The following CNTN4 variants were observed in gnomAD, a reference collection of about 807,000 sequenced individuals.
CNTN4 encodes the protein contactin 4, also known as contactin-4.
In CNTN4, 77 loss-of-function variants were observed where a neutral mutation model predicts 122.5. That is an observed-to-expected ratio of 0.63 (90% CI 0.52 to 0.76). The LOEUF is 0.76. CNTN4 is among the 30% of genes least tolerant of loss of function. The pLI, the probability that CNTN4 is intolerant of heterozygous loss-of-function variation, is 0.00. For missense variants in CNTN4, 1,256 were observed against 1,259.1 expected (o/e 1.00, Z 0.04); for synonymous variants, 512 against 447.0 (o/e 1.15, Z -1.83).
At chr3:2,195,866 A>G (rs1176878890) in intron 2 of CNTN4, among the ~76,000 whole-genome samples, 1 of 152,172 alleles carries the variant, frequency 6.6e-6, no homozygotes, top group African/African-American at 2.4e-5. Context: ...ATTTCTGGAG[A>G]TGGAATTACA....
In CNTN4 at chr3:3,034,645, C is replaced by T. The variant is rs1311138133; in HGVS notation, c.1797C>T (p.Pro599=). The T allele has an allele frequency of 6.2e-7, 1 of 1,614,024 alleles. No individual in the cohort carries two copies. The highest frequency in any genetic ancestry group is 8.5e-7 in the Non-Finnish European group (1 of 1,180,012). ...ADLIVRGPPG[P]PEAVTIDEIT... is the part of the protein sequence containing the mutation. ...GCTCTTTCCCAGGTCCTCCAGGTCC[C>T]CCAGAGGCTGTGACAATAGACGAAA... Residue 599 remains proline, a synonymous_variant, in exon 17 of 25, where the codon CCC becomes CCT. Transcript: ENST00000418658.
chr3:2,573,170 C>A (rs371395400), intron 4 of CNTN4, among the ~76,000 whole-genome samples: 2 of 152,190 alleles, frequency 1.3e-5, no homozygotes, highest in African/African-American at 2.4e-5. Context: ...GAGGATTTGG[C>A]AAGTTTATGG....
At chr3:2,224,370 G>A (rs1300765177) in intron 2 of CNTN4, among the ~76,000 whole-genome samples, 1 of 152,100 alleles carries the variant, frequency 6.6e-6, no homozygotes, top group Admixed American at 6.6e-5. Context: ...ATCCCTGGAC[G>A]GAAATAGTCC....
At chr3:3,006,248 G>C (rs868161530) in intron 14 of CNTN4, among the ~76,000 whole-genome samples, 2 of 152,096 alleles carry the variant, frequency 1.3e-5, no homozygotes, top group African/African-American at 4.8e-5. Context: ...TGAACTTCAT[G>C]TCACCCTCAT....
rs559153494 is a variant in CNTN4, at chr3:2,199,475, G to A, written c.-145+98836G>A. Among the ~76,000 whole-genome samples the A allele has an allele frequency of 7.9e-5, 12 of 151,996 alleles. No individual in the cohort carries two copies. In the South Asian group the frequency reaches 2.3e-3, roughly 29 times the overall value. Reference sequence around the variant, plus strand: ...TAGATTGATAGCTTTGAAATGATTGGATTTTAGCAGTATAATAGAATGAAA... The same window carrying A: ...TAGATTGATAGCTTTGAAATGATTGAATTTTAGCAGTATAATAGAATGAAA... On this transcript the variant is annotated intron_variant, in intron 2 of 24. Coordinates refer to ENST00000418658, the MANE Select transcript of CNTN4 (RefSeq NM_175607.3).
chr3:2,560,567 A>G (rs1289473238), intron 3 of CNTN4, among the ~76,000 whole-genome samples: 2 of 152,186 alleles, frequency 1.3e-5, no homozygotes, highest in Non-Finnish European at 2.9e-5. Flanking sequence ...TTCTCTACAA[A>G]CTTCTGAAGT....
chr3:2,783,383 A>G (rs2091685190), intron 6 of CNTN4, among the ~76,000 whole-genome samples: 4 of 152,188 alleles, frequency 2.6e-5, no homozygotes, highest in Admixed American at 6.5e-5. Flanking sequence ...TCTGAATGCT[A>G]TTATTAGGAC....
chr3:2,423,220 T>A (rs1175730568), intron 3 of CNTN4, among the ~76,000 whole-genome samples: 4 of 152,232 alleles, frequency 2.6e-5, no homozygotes, highest in Admixed American at 2.6e-4. Context: ...TCTTTATTTT[T>A]TCCAAATGGA....
At chr3:2,786,231 G>T (rs529175741) in intron 6 of CNTN4, among the ~76,000 whole-genome samples, 2 of 152,252 alleles carry the variant, frequency 1.3e-5, no homozygotes, top group South Asian at 4.1e-4. Context: ...ACAAGGACCT[G>T]AGTGCAGGTG....
At chr3:2,516,953 T>A (rs565602919) in intron 3 of CNTN4, among the ~76,000 whole-genome samples, 1 of 151,646 alleles carries the variant, frequency 6.6e-6, no homozygotes, top group South Asian at 2.1e-4. Flanking sequence ...GAAAAAAAAA[T>A]GTAAATAAGG....
At chr3:2,364,595 C>G (rs1205877381) in intron 3 of CNTN4, among the ~76,000 whole-genome samples, 1 of 151,574 alleles carries the variant, frequency 6.6e-6, no homozygotes, top group Non-Finnish European at 1.5e-5. Flanking sequence ...AGTTGAGTCC[C>G]CGGAGAACAG....
intron 4 of CNTN4, among the ~76,000 whole-genome samples, chr3:2,575,859 C>T (rs1360602068): frequency 1.2e-4 from 15 of 128,440 alleles, no homozygotes; most frequent in African/African-American, 3.9e-4. Context: ...TCTGGCTCTG[C>T]TGCCCAGGCT....
chr3:2,538,379 T>A (rs2077894454), intron 3 of CNTN4, among the ~76,000 whole-genome samples: 1 of 152,128 alleles, frequency 6.6e-6, no homozygotes, highest in Admixed American at 6.6e-5. Flanking sequence ...AACTCTGGGA[T>A]TAATCCCTTT....
intron 4 of CNTN4, among the ~76,000 whole-genome samples, chr3:2,572,640 C>A (rs1170181877): frequency 6.6e-6 from 1 of 152,134 alleles, no homozygotes. Flanking sequence ...AATATATTTG[C>A]ATTTTTACAA....
chr3:2,392,443 A>G (rs2046473601), intron 3 of CNTN4, among the ~76,000 whole-genome samples: 1 of 152,176 alleles, frequency 6.6e-6, no homozygotes. Flanking sequence ...ACCAGATGAA[A>G]AATATGCACA....
rs138807035 is a variant in CNTN4 at position 2,540,389 on chromosome 3, T to C, written c.-88-31027T>C. 3.9e-5 allele frequency among the ~76,000 whole-genome samples: 6 copies of C among 152,010 alleles called. No individual in the cohort carries two copies. The East Asian group carries it at 1.2e-3, about 30-fold the overall frequency. On this transcript the variant is annotated intron_variant, in intron 3 of 24. Coordinates refer to ENST00000418658, the MANE Select transcript of CNTN4 (RefSeq NM_175607.3). ...TGTCTCGTGGGCATGGAGTGTTAAT[T>C]TCTCTTGCAGCAAAACAGAAAGCGG...
intron 4 of CNTN4, among the ~76,000 whole-genome samples, chr3:2,678,883 C>CA (rs1290139680): frequency 6.7e-6 from 1 of 150,160 alleles, no homozygotes; most frequent in Admixed American, 6.7e-5. Flanking sequence ...ACTCCCCACC[C>CA]AACTGGTTCC....
chr3:2,839,629 A>G (rs549400534), intron 7 of CNTN4, among the ~76,000 whole-genome samples: 1 of 152,314 alleles, frequency 6.6e-6, no homozygotes, highest in African/African-American at 2.4e-5. Context: ...ATTGAAGTGA[A>G]CCAGATGTAA....
chr3:2,536,907 G>A (rs982032807), intron 3 of CNTN4, among the ~76,000 whole-genome samples: 9 of 151,886 alleles, frequency 5.9e-5, no homozygotes, highest in African/African-American at 1.5e-4. Flanking sequence ...TTTGGTGCTC[G>A]ATCATTGTGA....
Sources: gnomAD v4.1 joint callset for allele counts (sites outside exome capture counted in the v4.1 genomes callset) on GRCh38, gnomAD v4.1.1 for gene constraint, MANE v1.5 for transcripts, NCBI Gene and HGNC (gene_info 2026-07-23, HGNC 2026-07-21) for gene names.